Variants in TULP1 observed in about 807,000 individuals in gnomAD.
TULP1 encodes tubby-related protein 1.
Under a neutral mutation model 67.1 loss-of-function variants are expected in TULP1, and 50 were observed. The observed-to-expected ratio is 0.75, with a 90% CI of 0.59 to 0.94. The LOEUF (loss-of-function observed/expected upper bound fraction) is 0.94, where lower values mean the gene tolerates loss of function less well. Among genes scored for constraint, TULP1 ranks in the 40% least tolerant of loss-of-function variants. The probability of loss-of-function intolerance (pLI) is 0.00; values close to 1 mark genes in which losing one functional copy is unlikely to be tolerated. For synonymous variants in TULP1, 297 were observed against 294.0 expected (o/e 1.01, Z -0.11); for missense variants, 746 against 734.1 (o/e 1.02, Z -0.19).
At chr6:35,512,786 T>C (rs757023449) in intron 1 of TULP1, 26 bp downstream of exon 1, 1 of 1,403,294 alleles carries the variant, frequency 7.1e-7, no homozygotes, top group South Asian at 1.1e-5. Context: ...AGGGTTCAGG[T>C]GCCACGAACT....
At position 35,503,582 on chromosome 6, in the gene TULP1, T is replaced by G; in HGVS notation, c.1300A>C (p.Arg434=). 1 of 1,584,304 alleles carries G rather than the reference T, an allele frequency of 6.3e-7. No individual in the cohort carries two copies. ...IIPGMSAENE[R]VPIRPRNASD... ...ACATTTCGGGGCCGGATGGGGACCC[T>G]CTCGTTCTCCGCACTCATGCCAGGA... Residue 434 remains arginine (R), a synonymous_variant, in exon 13 of 15, where the codon AGG becomes CGG. Transcript: ENST00000229771. This position sits in a 1 kb window ranked among gnomAD's most constrained non-coding sequence, Gnocchi z 4.0.
intron 5 of TULP1, 127 bp downstream of exon 5, chr6:35,510,734 A>C (rs1581743818): frequency 6.3e-7 from 1 of 1,592,050 alleles, no homozygotes; most frequent in Admixed American, 1.7e-5. Context: ...CAGAGGAAAA[A>C]CCCTCCGGTC....
At chr6:35,505,565 A>G (rs770529184) in intron 11 of TULP1, 176 bp downstream of exon 11, 2 of 1,519,502 alleles carry the variant, frequency 1.3e-6, no homozygotes, top group Non-Finnish European at 1.8e-6. Context: ...ACACTCAACC[A>G]TTTTAACAAG....
At position 35,505,855 on chromosome 6, in the gene TULP1, T is replaced by TG; in HGVS notation, c.1000-3dup. The TG allele has an allele frequency of 6.2e-7, 1 of 1,614,056 alleles. No homozygotes were observed. Among genetic ancestry groups the TG allele is most frequent in the South Asian group, 1.1e-5 (1 of 91,076 alleles). ...TTTCCTGCCAGCCAAGAGGAACACC[T>TG]GGGGAAAAGGGGAGACAGGTGAGAG... On this transcript the variant is annotated splice_polypyrimidine_tract_variant and splice_region_variant and intron_variant, in intron 10 of 14. Transcript: ENST00000229771.
intron 8 of TULP1, among the ~76,000 whole-genome samples, chr6:35,508,853 G>C (rs369442091): frequency 1.3e-5 from 2 of 152,132 alleles, no homozygotes; most frequent in Admixed American, 6.6e-5. Flanking sequence ...GCAGCTGACT[G>C]TCAGTCAGTA....
chr6:35,511,947 C>G, intron 3 of TULP1, 141 bp from the exon 4 acceptor site: 1 of 989,418 alleles, frequency 1.0e-6, no homozygotes, highest in Non-Finnish European at 1.4e-6. Flanking sequence ...TTTCCACTTT[C>G]AACACTTCTC....
At chr6:35,504,772 T>G (rs1014041950) in intron 11 of TULP1, among the ~76,000 whole-genome samples, 1 of 151,766 alleles carries the variant, frequency 6.6e-6, no homozygotes, top group Non-Finnish European at 1.5e-5. Context: ...TTCGCTGTGT[T>G]AGCCAGGGTG....
In TULP1 at chr6:35,503,949, G is replaced by A. The variant is rs1053572627; in HGVS notation, c.1113-101C>T. On this transcript the variant is annotated intron_variant, in intron 11 of 14. Coordinates refer to ENST00000229771, the MANE Select transcript of TULP1 (RefSeq NM_003322.6). This position sits in a 1 kb window ranked among gnomAD's most constrained non-coding sequence, Gnocchi z 4.0. The stretch of plus-strand genomic sequence containing the variant: ...AGCAGTTTAGAGAGCTTCCTACAAG[G>A]GTGGGGGTGAGTTAGGACTGAGCAA... 77 of 885,172 alleles carry A rather than the reference G, an allele frequency of 8.7e-5. No individual in the cohort carries two copies. Among genetic ancestry groups the A allele is most frequent in the African/African-American group, 1.7e-5 (1 of 60,438 alleles). The allele number at this position is 885,172 out of a possible 1,614,324, so 54.8% of individuals were successfully genotyped here.
At position 35,506,127 on chromosome 6, in the gene TULP1, C is replaced by T. The variant is rs140460892; in HGVS notation, c.875G>A (p.Arg292Gln). 158 of 1,613,678 alleles carry T rather than the reference C, an allele frequency of 9.8e-5. No individual in the cohort carries two copies. Among genetic ancestry groups the T allele is most frequent in the South Asian group, 2.6e-4 (24 of 91,068 alleles). The change falls in exon 10 of 15, where the codon CGG (arginine) becomes CAG (glutamine). Residue 292 changes from arginine (R) to glutamine (Q), a missense_variant. Transcript: ENST00000229771. ...GGGGGCAGGCCGGAGCACAAACTCC[C>T]GGGGTTCGTCCACCTCCACGGGGGG... is the stretch of plus-strand genomic sequence containing the variant. ...PSPPVEVDEP[R>Q]EFVLRPAPQG...
In TULP1 at chr6:35,498,401, G is replaced by C; in HGVS notation, c.1555C>G (p.Arg519Gly). ...GCCTGCAGGGCGCACAGCGGGTACC[G>C]GTAGTCTAGGGTGAAGGCGTCCTCC... ...VAEDAFTLDY[R>G]YPLCALQAFA... Residue 519 changes from arginine (R) to glycine (G), a missense_variant, in exon 15 of 15, where the codon CGG (arginine) becomes GGG (glycine). Transcript: ENST00000229771. The surrounding 1 kb of genome is among the most constrained non-coding windows in gnomAD (Gnocchi z 6.7). 3 of 1,613,940 alleles carry C rather than the reference G, an allele frequency of 1.9e-6. No individual in the cohort carries two copies. The highest frequency in any genetic ancestry group is 2.5e-6 in the Non-Finnish European group (3 of 1,180,018).
intron 3 of TULP1, 130 bp downstream of exon 3, chr6:35,512,050 C>G (rs1761218005): frequency 5.4e-6 from 3 of 558,074 alleles, no homozygotes; most frequent in Non-Finnish European, 8.8e-6. Context: ...AATCCCTCCC[C>G]TCTCATCACT....
In TULP1 at chr6:35,509,620, C is replaced by T. The variant is rs1321153411; in HGVS notation, c.718+14G>A. 4 of 1,612,634 alleles carry T rather than the reference C, an allele frequency of 2.5e-6. No homozygotes were observed. The South Asian group carries it at 4.4e-5, about 18-fold the overall frequency. ...CCTCAAGATGTCACCACACCAGAAG[C>T]CCTTGCCATCCACCTTTCTTCTTCA... On this transcript the variant is annotated intron_variant, in intron 7 of 14. Transcript: ENST00000229771.
chr6:35,510,898 G>A lies in TULP1; in HGVS notation c.462C>T (p.Asp154=), dbSNP rs878935315. 1.7e-5 allele frequency: 28 copies of A among 1,613,716 alleles called. No individual in the cohort carries two copies. Among genetic ancestry groups the A allele is most frequent in the East Asian group, 2.2e-5 (1 of 44,878 alleles). The change falls in exon 5 of 15, where the codon GAC becomes GAT. Residue 154 remains aspartate (D), a synonymous_variant. Coordinates refer to ENST00000229771, the MANE Select transcript of TULP1 (RefSeq NM_003322.6). ...GGGCCTTGGCCCTCCTCTCCTTCAGGTCTGCGGAGCTCTTCTCTCTCAGGG... is the reference window on the plus strand; with the variant it reads ...GGGCCTTGGCCCTCCTCTCCTTCAGATCTGCGGAGCTCTTCTCTCTCAGGG... ...KKPLREKSSA[D]LKERRAKAQG...
At chr6:35,500,968 C>T (rs913195831) in intron 13 of TULP1, among the ~76,000 whole-genome samples, 5 of 152,060 alleles carry the variant, frequency 3.3e-5, no homozygotes, top group Admixed American at 2.6e-4. Context: ...CAGCCTGGGC[C>T]GTGACTTTCC....
intron 3 of TULP1, 127 bp from the exon 4 acceptor site, chr6:35,511,933 TG>T: frequency 1.8e-6 from 2 of 1,134,638 alleles, no homozygotes; most frequent in Non-Finnish European, 2.4e-6. Context: ...CCCCTGGGCT[TG>T]GGTTTCCACT....
chr6:35,506,416 T>C, intron 8 of TULP1, 137 bp from the exon 9 acceptor site: 7 of 1,098,126 alleles, frequency 6.4e-6, no homozygotes, highest in Non-Finnish European at 9.5e-6. Flanking sequence ...GTGATTTATT[T>C]TGATTCTGCT....
At position 35,497,997 on chromosome 6, in the gene TULP1, G is replaced by C. The variant is rs1489039476; in HGVS notation, c.*330C>G. 6.2e-6 allele frequency: 3 copies of C among 481,546 alleles called. No individual in the cohort carries two copies. The highest frequency in any genetic ancestry group is 1.1e-5 in the Non-Finnish European group (3 of 263,348). 29.8% of individuals were successfully genotyped at this position (481,546 alleles called of 1,614,324 possible). On this transcript the variant is annotated 3_prime_UTR_variant, in exon 15 of 15. Transcript: ENST00000229771. ...TAGCGCGGTCCCGGGGAGAGGGGAG[G>C]TTAAAACAACAATGACTACTGCTCC...
intron 11 of TULP1, among the ~76,000 whole-genome samples, chr6:35,504,725 A>G (rs980034340): frequency 2.0e-5 from 3 of 149,612 alleles, no homozygotes; most frequent in African/African-American, 7.5e-5. Context: ...ACGCTGGGCT[A>G]ATTTTTTTTT....
In TULP1 at chr6:35,505,961, G is replaced by C. The variant is rs199985947; in HGVS notation, c.999+42C>G. ...CGTTTGTCCCGTGGCCCCCATGCCG[G>C]ATCCCTCCACACTCCCTCCTCTGCT... On this transcript the variant is annotated intron_variant, in intron 10 of 14. Coordinates refer to ENST00000229771, the MANE Select transcript of TULP1 (RefSeq NM_003322.6). The C allele has an allele frequency of 5.1e-4, 827 of 1,614,050 alleles. 1 individual carries two copies. The highest frequency in any genetic ancestry group is 1.9e-3 in the Admixed American group (112 of 60,032).
Sources: gnomAD v4.1 joint callset for allele counts (sites outside exome capture counted in the v4.1 genomes callset) on GRCh38, gnomAD v4.1.1 for gene constraint, Gnocchi (gnomAD v3.1) non-coding constraint, MANE v1.5 for transcripts, NCBI Gene and HGNC (gene_info 2026-07-23, HGNC 2026-07-21) for gene names.